The following RCN2 variants were observed in gnomAD, a reference collection of about 807,000 sequenced individuals.
RCN2 encodes reticulocalbin 2, also known as reticulocalbin-2.
A neutral mutation model predicts 37.5 loss-of-function variants in RCN2; 23 were observed. That is an observed-to-expected ratio of 0.61 (90% CI 0.44 to 0.87). The LOEUF is 0.87. Ranked by LOEUF, RCN2 falls within the 40% of genes least tolerant of loss-of-function variation. RCN2 has a pLI of 0.00. For missense variants in RCN2, 381 were observed against 390.4 expected (o/e 0.98, Z 0.20); for synonymous variants, 140 against 144.6 (o/e 0.97, Z 0.23).
At position 76,953,911 on chromosome 15, in the gene RCN2, A is replaced by G. The variant is rs2152653002; in HGVS notation, c.*4689A>G. 1 of 151,958 alleles carries G rather than the reference A, an allele frequency of 6.6e-6. No homozygotes were observed. Among genetic ancestry groups the G allele is most frequent in the African/African-American group, 2.4e-5 (1 of 41,476 alleles). 9.4% of individuals were successfully genotyped at this position (151,958 alleles called of 1,614,324 possible). The stretch of plus-strand genomic sequence containing the variant: ...CGTGAGCCACCGCGCCCGACTAGTA[A>G]TTCTATTTTTAATATTTTGAGGAAC... On this transcript the variant is annotated 3_prime_UTR_variant, in exon 7 of 7. Transcript: ENST00000394885.
intron 3 of RCN2, among the ~76,000 whole-genome samples, chr15:76,940,899 G>A (rs2075274391): frequency 6.6e-6 from 1 of 151,778 alleles, no homozygotes; most frequent in Non-Finnish European, 1.5e-5. Context: ...TTCATATAGG[G>A]AATAAAGATA....
At chr15:76,948,968 C>T (rs1282055359) in intron 6 of RCN2, 102 bp from the exon 7 acceptor site, 3 of 1,069,950 alleles carry the variant, frequency 2.8e-6, no homozygotes, top group African/African-American at 3.2e-5. Context: ...ATAATGAGTA[C>T]TTGTACACCT....
At chr15:76,937,452 T>A (rs1011670466) in intron 3 of RCN2, among the ~76,000 whole-genome samples, 5 of 152,072 alleles carry the variant, frequency 3.3e-5, no homozygotes, top group African/African-American at 1.2e-4. Flanking sequence ...TATCTCACTC[T>A]GTTGCCCAGG....
chr15:76,943,919 A>T (rs777065583), intron 4 of RCN2, 48 bp downstream of exon 4: 11 of 1,057,886 alleles, frequency 1.0e-5, no homozygotes, highest in Non-Finnish European at 1.5e-5. Context: ...CCAAAACTTT[A>T]AAAAAATATA....
intron 3 of RCN2, chr15:76,938,615 C>G (rs1391207829): frequency 2.6e-5 from 11 of 417,684 alleles, no homozygotes; most frequent in Non-Finnish European, 4.5e-5. Flanking sequence ...CCCATTCCCT[C>G]CTTGGTAAAT....
At chr15:76,933,070 CT>C (rs2075231478) in intron 2 of RCN2, among the ~76,000 whole-genome samples, 2 of 151,880 alleles carry the variant, frequency 1.3e-5, no homozygotes, top group Non-Finnish European at 2.9e-5. Context: ...TTTTAATATC[CT>C]TCAGTTAAAA....
chr15:76,947,383 G>T (rs113653855), intron 4 of RCN2, 38 bp from the exon 5 acceptor site: 7 of 1,356,056 alleles, frequency 5.2e-6, no homozygotes, highest in African/African-American at 4.4e-5. Flanking sequence ...TGAACATTTT[G>T]TAACTTTTTT....
chr15:76,933,652 T>C (rs1209144064), intron 2 of RCN2, among the ~76,000 whole-genome samples: 1 of 152,238 alleles, frequency 6.6e-6, no homozygotes, highest in Non-Finnish European at 1.5e-5. Context: ...GAAGAAAAGC[T>C]TGAGATGGTA....
At position 76,949,134 on chromosome 15, in the gene RCN2, T is replaced by C; in HGVS notation, c.866T>C (p.Leu289Pro). The C allele has an allele frequency of 6.2e-7, 1 of 1,613,476 alleles. No individual in the cohort carries two copies. Among genetic ancestry groups the C allele is most frequent in the Non-Finnish European group, 8.5e-7 (1 of 1,179,720 alleles). Reference protein sequence around the residue: ...GDKKLSEEEILENPDLFLTSE... With the variant: ...GDKKLSEEEIPENPDLFLTSE... ...AAAAAGCTCTCTGAAGAAGAGATTC[T>C]GGAAAACCCGGACTTGTTTCTCACC... Residue 289 changes from leucine to proline, a missense_variant, in exon 7 of 7, where the codon CTG becomes CCG. Transcript: ENST00000394885.
chr15:76,946,804 A>G (rs1326748738), intron 4 of RCN2, among the ~76,000 whole-genome samples: 1 of 152,168 alleles, frequency 6.6e-6, no homozygotes, highest in Non-Finnish European at 1.5e-5. Context: ...ACAGCTGGCC[A>G]TTGAACAGGT....
Position 76,943,742 on chromosome 15 carries a change from A to C in RCN2, c.448-16A>C, listed in dbSNP as rs775628097. On this transcript the variant is annotated splice_polypyrimidine_tract_variant and intron_variant, in intron 3 of 6. Coordinates refer to ENST00000394885, the MANE Select transcript of RCN2 (RefSeq NM_002902.3). ...AAATGATGTGGTATACTAATGAGAA[A>C]TTTTAATTTTCAAAGCTTCACTTAA... The C allele has an allele frequency of 2.1e-6, 3 of 1,447,076 alleles. No individual in the cohort carries two copies. The allele number at this position is 1,447,076 out of a possible 1,614,324, so 89.6% of individuals were successfully genotyped here.
At chr15:76,933,902 A>G (rs2075235858) in intron 2 of RCN2, among the ~76,000 whole-genome samples, 1 of 152,164 alleles carries the variant, frequency 6.6e-6, no homozygotes, top group South Asian at 2.1e-4. Context: ...TTGGCTTTGA[A>G]GCCAGACAGG....
At position 76,951,866 on chromosome 15, in the gene RCN2, C is replaced by T. The variant is rs979228011; in HGVS notation, c.*2644C>T. The T allele has an allele frequency of 3.3e-5, 5 of 152,060 alleles. No homozygotes were observed. The highest frequency in any genetic ancestry group is 3.3e-4 in the Admixed American group (5 of 15,278). The allele number at this position is 152,060 out of a possible 1,614,324, so 9.4% of individuals were successfully genotyped here. On this transcript the variant is annotated 3_prime_UTR_variant, in exon 7 of 7. Coordinates refer to ENST00000394885, the MANE Select transcript of RCN2 (RefSeq NM_002902.3). Reference sequence around the variant, plus strand: ...AGGGGAAAATTGAATGGGATGTGCACATGTTGGCTCATATGTAGTTCTGAT... The same window carrying T: ...AGGGGAAAATTGAATGGGATGTGCATATGTTGGCTCATATGTAGTTCTGAT...
Position 76,951,007 on chromosome 15 carries a change from G to C in RCN2, c.*1785G>C, listed in dbSNP as rs2152652367. 1 of 152,316 alleles carries C rather than the reference G, an allele frequency of 6.6e-6. No individual in the cohort carries two copies. The highest frequency in any genetic ancestry group is 1.9e-4 in the East Asian group (1 of 5,186). The allele number at this position is 152,316 out of a possible 1,614,324, so 9.4% of individuals were successfully genotyped here. ...TATATGTCTGGCTATAGCAGTTTTAGAATTACAGATTTACCACTATCACTC... is the reference window on the plus strand; with the variant it reads ...TATATGTCTGGCTATAGCAGTTTTACAATTACAGATTTACCACTATCACTC... On this transcript the variant is annotated 3_prime_UTR_variant, in exon 7 of 7. Coordinates refer to ENST00000394885, the MANE Select transcript of RCN2 (RefSeq NM_002902.3).
At chr15:76,933,041 A>G (rs1188093370) in intron 2 of RCN2, among the ~76,000 whole-genome samples, 1 of 152,162 alleles carries the variant, frequency 6.6e-6, no homozygotes, top group East Asian at 1.9e-4. Context: ...GAATCCAGGT[A>G]TCCTGCTCTT....
intron 3 of RCN2, chr15:76,942,149 T>A (rs2075278888): frequency 6.6e-6 from 1 of 152,334 alleles, no homozygotes; most frequent in South Asian, 2.1e-4. Flanking sequence ...ATAAAACAAA[T>A]TCTTTGGGGA....
intron 2 of RCN2, among the ~76,000 whole-genome samples, chr15:76,932,781 A>G (rs1319707301): frequency 1.3e-5 from 2 of 152,368 alleles, no homozygotes; most frequent in East Asian, 3.9e-4. Flanking sequence ...ATATGCCCCA[A>G]AACTTTAAGG....
At chr15:76,934,769 C>T (rs538549867) in intron 2 of RCN2, among the ~76,000 whole-genome samples, 2 of 152,084 alleles carry the variant, frequency 1.3e-5, no homozygotes, top group Non-Finnish European at 2.9e-5. Context: ...ATAAAAAACA[C>T]TGTTTTTTCT....
In RCN2 at chr15:76,953,553, T is replaced by TTATATATATA. The variant is rs1246807330; in HGVS notation, c.*4332_*4333insATATATATAT. The stretch of plus-strand genomic sequence containing the variant: ...GTGGGATTGCTGGATCATATAGTAA[T>TTATATATATA]TCTATATATATATATATATATATAT... On this transcript the variant is annotated 3_prime_UTR_variant, in exon 7 of 7. Coordinates refer to ENST00000394885, the MANE Select transcript of RCN2 (RefSeq NM_002902.3). The TTATATATATA allele has an allele frequency of 1.0e-4, 8 of 77,528 alleles. No individual in the cohort carries two copies. The highest frequency in any genetic ancestry group is 1.7e-4 in the Non-Finnish European group (7 of 42,220). The allele number at this position is 77,528 out of a possible 1,614,324, so 4.8% of individuals were successfully genotyped here. A position where few individuals can be genotyped will look rare whatever the true frequency, so the allele number is the denominator to read the frequency against.
Sources: allele counts gnomAD v4.1 joint callset (sites outside exome capture counted in the v4.1 genomes callset), GRCh38; gene constraint gnomAD v4.1.1; transcripts MANE v1.5; gene names NCBI Gene and HGNC (gene_info 2026-07-23, HGNC 2026-07-21).